SPTBN1: variants seen among roughly 807,000 people sequenced by gnomAD.
The protein encoded by SPTBN1 is spectrin beta chain, non-erythrocytic 1.
In SPTBN1, 32 loss-of-function variants were observed where a neutral mutation model predicts 266.4. The observed-to-expected ratio is 0.12, with a 90% CI of 0.09 to 0.16. The LOEUF (loss-of-function observed/expected upper bound fraction) is 0.16, where lower values mean the gene tolerates loss of function less well. Among genes scored for constraint, SPTBN1 ranks in the 10% least tolerant of loss-of-function variants. The pLI, the probability that SPTBN1 is intolerant of heterozygous loss-of-function variation, is 1.00. For missense variants in SPTBN1, 2,296 were observed against 3,067.1 expected, an observed-to-expected ratio of 0.75 and a Z score of 5.94; for synonymous variants, 1,336 against 1,162.2, an observed-to-expected ratio of 1.15 and a Z score of -3.04.
intron 32 of SPTBN1, chr2:54,660,412 C>T: frequency 1.8e-5 from 20 of 1,095,426 alleles, no homozygotes; most frequent in Non-Finnish European, 2.2e-5. Flanking sequence ...ACAGGTATGA[C>T]ACATTCAGTT....
rs769271952 is a variant in SPTBN1, at chr2:54,659,138, C to T, written c.6244-16C>T. 8 of 1,613,224 alleles carry T rather than the reference C, an allele frequency of 5.0e-6. No individual in the cohort carries two copies. The highest frequency in any genetic ancestry group is 6.8e-6 in the Non-Finnish European group (8 of 1,179,364). Reference sequence around the variant, plus strand: ...GAGTTTGGGACTCTACCAAACATCACTCTATTTTCTCTTAGTTGGAGTTAC... The same window carrying T: ...GAGTTTGGGACTCTACCAAACATCATTCTATTTTCTCTTAGTTGGAGTTAC... On this transcript the variant is annotated splice_polypyrimidine_tract_variant and intron_variant, in intron 30 of 35. Coordinates refer to ENST00000356805, the MANE Select transcript of SPTBN1 (RefSeq NM_003128.3).
At chr2:54,464,158 T>C (rs1693510316) in intron 1 of SPTBN1, among the ~76,000 whole-genome samples, 2 of 152,226 alleles carry the variant, frequency 1.3e-5, no homozygotes, top group African/African-American at 4.8e-5. Flanking sequence ...CTTAAATGCT[T>C]ATACCTCTTG....
intron 2 of SPTBN1, among the ~76,000 whole-genome samples, chr2:54,541,907 C>T (rs926441027): frequency 1.3e-5 from 2 of 152,220 alleles, no homozygotes; most frequent in African/African-American, 4.8e-5. Context: ...ACGTGTACCA[C>T]ATGAGATGCT....
intron 3 of SPTBN1, among the ~76,000 whole-genome samples, chr2:54,611,556 T>C (rs76095041): frequency 0.026 from 3,915 of 152,250 alleles, 167 homozygotes; most frequent in African/African-American, 0.086. Flanking sequence ...TAAAACTGGG[T>C]AGAGGGAAGA....
At chr2:54,600,292 C>T (rs1676409809) in intron 3 of SPTBN1, among the ~76,000 whole-genome samples, 1 of 152,162 alleles carries the variant, frequency 6.6e-6, no homozygotes, top group African/African-American at 2.4e-5. Flanking sequence ...CTCTTCCCTG[C>T]CCTTCAGTTC....
At chr2:54,514,740 G>A (rs985194725) in intron 1 of SPTBN1, among the ~76,000 whole-genome samples, 21 of 152,134 alleles carry the variant, frequency 1.4e-4, no homozygotes, top group African/African-American at 5.1e-4. Flanking sequence ...TCAAGTGTTC[G>A]AAACTGCCGT....
In SPTBN1 at chr2:54,646,553, C is replaced by T. The variant is rs879647733; in HGVS notation, c.4866+78C>T. ...CTGGGCACACTTTCTGCTGGCGGCT[C>T]TGTCTGTATAAAAACTTCCCTTGTA... On this transcript the variant is annotated intron_variant, in intron 23 of 35. Coordinates refer to ENST00000356805, the MANE Select transcript of SPTBN1 (RefSeq NM_003128.3). The surrounding 1 kb of genome is among the most constrained non-coding windows in gnomAD (Gnocchi z 4.4). 45 of 1,416,546 alleles carry T rather than the reference C, an allele frequency of 3.2e-5. No individual in the cohort carries two copies. Among genetic ancestry groups the T allele is most frequent in the Non-Finnish European group, 4.2e-5 (45 of 1,084,072 alleles). The allele number at this position is 1,416,546 out of a possible 1,614,324, so 87.7% of individuals were successfully genotyped here.
chr2:54,595,713 G>C (rs745621997), intron 2 of SPTBN1, among the ~76,000 whole-genome samples: 1 of 152,224 alleles, frequency 6.6e-6, no homozygotes, highest in Non-Finnish European at 1.5e-5. Context: ...CCTTGGAGGG[G>C]TGCTCTCTGG....
chr2:54,476,125 A>G (rs1041351921), intron 1 of SPTBN1, among the ~76,000 whole-genome samples: 2 of 150,690 alleles, frequency 1.3e-5, no homozygotes, highest in African/African-American at 4.9e-5. Flanking sequence ...CGGTGGCTCA[A>G]ACTCACAGAT....
intron 18 of SPTBN1, among the ~76,000 whole-genome samples, chr2:54,638,387 A>G (rs1307019079): frequency 6.6e-6 from 1 of 152,250 alleles, no homozygotes; most frequent in Admixed American, 6.5e-5. Context: ...GAGATTTTCA[A>G]AAGACAAATT....
chr2:54,647,037 T>A (rs1173247837), intron 23 of SPTBN1, 94 bp from the exon 24 acceptor site: 9 of 1,582,328 alleles, frequency 5.7e-6, no homozygotes, highest in Non-Finnish European at 7.7e-6. Context: ...CTACTGATCC[T>A]TCCTCCTACC....
intron 4 of SPTBN1, among the ~76,000 whole-genome samples, chr2:54,614,609 C>A (rs2103816723): frequency 6.6e-6 from 1 of 152,142 alleles, no homozygotes; most frequent in South Asian, 2.1e-4. Context: ...TCGGGACCAA[C>A]CTGGCCAACA....
intron 34 of SPTBN1, among the ~76,000 whole-genome samples, chr2:54,666,755 G>T (rs1681398479): frequency 6.6e-6 from 1 of 152,206 alleles, no homozygotes; most frequent in African/African-American, 2.4e-5. Flanking sequence ...GATTTGTGCT[G>T]TTGCTTTGGG....
chr2:54,544,961 G>A (rs1672152900), intron 2 of SPTBN1, among the ~76,000 whole-genome samples: 1 of 152,066 alleles, frequency 6.6e-6, no homozygotes, highest in African/African-American at 2.4e-5. Flanking sequence ...AGGGTGTGAT[G>A]TTCCCCGCCC....
chr2:54,561,717 TTA>T (rs751979752), intron 2 of SPTBN1, among the ~76,000 whole-genome samples: 10 of 148,760 alleles, frequency 6.7e-5, no homozygotes, highest in Non-Finnish European at 1.3e-4. Flanking sequence ...TTAAATATAG[TTA>T]TATATAAATA....
At chr2:54,524,072 G>A (rs1337198968) in intron 1 of SPTBN1, among the ~76,000 whole-genome samples, 5 of 152,070 alleles carry the variant, frequency 3.3e-5, no homozygotes, top group South Asian at 4.2e-4. Flanking sequence ...GGTGGCTCGC[G>A]CCTGTAGTCC....
At chr2:54,614,072 G>A (rs4519562) in intron 4 of SPTBN1, among the ~76,000 whole-genome samples, 120,015 of 152,134 alleles carry the variant, frequency 0.79, 48,119 homozygotes, top group African/African-American at 0.93. Context: ...AATTCAACTT[G>A]TAAATGCTGA....
At chr2:54,460,391 TG>T (rs1693299584) in intron 1 of SPTBN1, among the ~76,000 whole-genome samples, 1 of 152,246 alleles carries the variant, frequency 6.6e-6, no homozygotes, top group South Asian at 2.1e-4. Context: ...TAATTCTTGG[TG>T]GAAGAGTCCT....
chr2:54,534,417 A>G (rs1047148757), intron 2 of SPTBN1, among the ~76,000 whole-genome samples: 1 of 152,196 alleles, frequency 6.6e-6, no homozygotes, highest in Non-Finnish European at 1.5e-5. Flanking sequence ...CAGTAACTAT[A>G]CTACCATTGT....
Sources: allele counts gnomAD v4.1 joint callset (sites outside exome capture counted in the v4.1 genomes callset), GRCh38; gene constraint gnomAD v4.1.1; non-coding constraint Gnocchi (gnomAD v3.1); transcripts MANE v1.5; gene names NCBI Gene and HGNC (gene_info 2026-07-23, HGNC 2026-07-21).